RORA: variants seen among roughly 807,000 people sequenced by gnomAD.
RORA encodes RAR related orphan receptor A, also known as nuclear receptor ROR-alpha.
Under a neutral mutation model 69.5 loss-of-function variants are expected in RORA, and 7 were observed. The ratio of observed to expected loss-of-function variants is 0.10; its 90% CI spans 0.06 to 0.19. The LOEUF (loss-of-function observed/expected upper bound fraction) is 0.19, where lower values mean the gene tolerates loss of function less well. Ranked by LOEUF, RORA falls within the 10% of genes least tolerant of loss-of-function variation. The probability of loss-of-function intolerance (pLI) is 1.00; values close to 1 mark genes in which losing one functional copy is unlikely to be tolerated. For missense variants in RORA, 457 were observed against 663.0 expected (o/e 0.69, Z 3.41); for synonymous variants, 261 against 240.8 (o/e 1.08, Z -0.78).
intron 1 of RORA, among the ~76,000 whole-genome samples, chr15:60,969,568 G>C (rs1893651686): frequency 6.6e-6 from 1 of 152,180 alleles, no homozygotes. Context: ...GTGGCTGGTG[G>C]ACAGGATGGA....
chr15:60,908,290 A>G (rs1415647692), intron 1 of RORA, among the ~76,000 whole-genome samples: 1 of 152,238 alleles, frequency 6.6e-6, no homozygotes, highest in Non-Finnish European at 1.5e-5. Context: ...GCATCACATT[A>G]TATCCATTTA....
At chr15:60,525,887 T>G (rs12914584) in intron 3 of RORA, among the ~76,000 whole-genome samples, 44,470 of 151,918 alleles carry the variant, frequency 0.29, 7,500 homozygotes, top group African/African-American at 0.45. Flanking sequence ...GGAAGAAATA[T>G]CTCTGGATCA....
At chr15:61,084,963 A>G (rs940591649) in intron 1 of RORA, among the ~76,000 whole-genome samples, 1 of 151,828 alleles carries the variant, frequency 6.6e-6, no homozygotes, top group Non-Finnish European at 1.5e-5. Context: ...GTGACTCTTA[A>G]TCCTCAACCA....
At chr15:60,744,833 G>C (rs939597510) in intron 1 of RORA, among the ~76,000 whole-genome samples, 3 of 152,198 alleles carry the variant, frequency 2.0e-5, no homozygotes, top group African/African-American at 7.2e-5. Flanking sequence ...TCTTCTCTGA[G>C]TCGGGAGCCA....
At chr15:60,723,563 T>C (rs979229564) in intron 1 of RORA, among the ~76,000 whole-genome samples, 1 of 152,012 alleles carries the variant, frequency 6.6e-6, no homozygotes, top group Non-Finnish European at 1.5e-5. Flanking sequence ...CTAAATAAAA[T>C]AAACAATAGA....
At chr15:60,499,078 A>T (rs911672475) in intron 10 of RORA, among the ~76,000 whole-genome samples, 1 of 152,208 alleles carries the variant, frequency 6.6e-6, no homozygotes, top group Non-Finnish European at 1.5e-5. Flanking sequence ...GGTAAAAATG[A>T]AACCTTATGC....
rs909609093 is a variant in RORA at position 60,815,829 on chromosome 15, T to G, written c.167-137143A>C. ...AAATTTTATATTTCATTGACAATAA[T>G]AGTATATATTTACACTATTTATATA... On this transcript the variant is annotated intron_variant, in intron 1 of 10. Transcript: ENST00000335670. Among the ~76,000 whole-genome samples, 16 of 150,112 alleles carry G rather than the reference T, an allele frequency of 1.1e-4. No homozygotes were observed. The East Asian group carries it at 3.1e-3, about 29-fold the overall frequency.
chr15:61,148,341 T>A (rs1310862120), intron 1 of RORA, among the ~76,000 whole-genome samples: 1 of 152,146 alleles, frequency 6.6e-6, no homozygotes, highest in Non-Finnish European at 1.5e-5. Context: ...GTGCCTAAGG[T>A]ACATCCAAAT....
At chr15:60,676,730 T>C (rs2070559078) in intron 2 of RORA, among the ~76,000 whole-genome samples, 1 of 152,222 alleles carries the variant, frequency 6.6e-6, no homozygotes. Context: ...GTGTCTGTTT[T>C]TAGAACACCA....
At chr15:60,547,380 GCGGCGTGATCT>G (rs997632338) in intron 2 of RORA, among the ~76,000 whole-genome samples, 17 of 150,166 alleles carry the variant, frequency 1.1e-4, no homozygotes, top group African/African-American at 3.7e-4. Flanking sequence ...CTGGAGTGCA[GCGGCGTGATCT>G]CGGCTCACTG....
intron 1 of RORA, among the ~76,000 whole-genome samples, chr15:61,003,380 T>C (rs1049768027): frequency 1.5e-4 from 23 of 152,096 alleles, no homozygotes; most frequent in Non-Finnish European, 2.6e-4. Flanking sequence ...CACACACATA[T>C]ACACACACAC....
intron 1 of RORA, among the ~76,000 whole-genome samples, chr15:60,740,764 T>A (rs1448173636): frequency 6.6e-6 from 1 of 152,198 alleles, no homozygotes; most frequent in Non-Finnish European, 1.5e-5. Flanking sequence ...ATGAGGTATT[T>A]CTTTTAACTG....
chr15:61,069,167 A>T (rs1303765578), intron 1 of RORA, among the ~76,000 whole-genome samples: 1 of 152,260 alleles, frequency 6.6e-6, no homozygotes, highest in Non-Finnish European at 1.5e-5. Flanking sequence ...AGATTAATCA[A>T]CCAGCTGTGA....
intron 1 of RORA, among the ~76,000 whole-genome samples, chr15:61,097,011 G>A (rs940574469): frequency 6.6e-6 from 1 of 152,212 alleles, no homozygotes; most frequent in Non-Finnish European, 1.5e-5. Context: ...AGTAACACAA[G>A]GTCTTGGCAT....
At chr15:60,991,787 G>A (rs1427755578) in intron 1 of RORA, among the ~76,000 whole-genome samples, 3 of 151,942 alleles carry the variant, frequency 2.0e-5, no homozygotes, top group Admixed American at 1.3e-4. Flanking sequence ...GCAAGCACCT[G>A]TGCTACTCAG....
intron 1 of RORA, among the ~76,000 whole-genome samples, chr15:60,960,702 T>C (rs965781649): frequency 6.6e-6 from 1 of 151,848 alleles, no homozygotes; most frequent in African/African-American, 2.4e-5. Flanking sequence ...AAGTCCAAAT[T>C]CCTCCAAATG....
At chr15:60,811,318 G>A (rs773054374) in intron 1 of RORA, among the ~76,000 whole-genome samples, 3 of 152,192 alleles carry the variant, frequency 2.0e-5, no homozygotes, top group Non-Finnish European at 4.4e-5. Flanking sequence ...GCATGGCACT[G>A]GGTTCTGTGA....
intron 1 of RORA, among the ~76,000 whole-genome samples, chr15:61,032,352 A>C (rs553932764): frequency 6.6e-6 from 1 of 152,352 alleles, no homozygotes; most frequent in African/African-American, 2.4e-5. Flanking sequence ...AGAATCCTGC[A>C]AATAGTGCCC....
At chr15:60,812,977 C>A (rs1369987863) in intron 1 of RORA, among the ~76,000 whole-genome samples, 1 of 152,144 alleles carries the variant, frequency 6.6e-6, no homozygotes, top group Non-Finnish European at 1.5e-5. Context: ...GAGGCTGTGC[C>A]CTATGATAAC....
Sources: gnomAD v4.1 joint callset for allele counts (sites outside exome capture counted in the v4.1 genomes callset) on GRCh38, gnomAD v4.1.1 for gene constraint, MANE v1.5 for transcripts, NCBI Gene and HGNC (gene_info 2026-07-23, HGNC 2026-07-21) for gene names.